Variants in ABTB3 observed in about 807,000 individuals in gnomAD.
ABTB3 encodes ankyrin repeat and BTB domain containing 3, also known as ankyrin repeat- and BTB/POZ domain-containing protein 3.
At chr12:107,381,514 G>A in the ABTB3 span, among the ~76,000 whole-genome samples, 60 of 152,356 alleles carry the variant, frequency 3.9e-4, no homozygotes, top group Non-Finnish European at 7.3e-4. Context: ...GGAGAGCTCC[G>A]GGTAGGAACA....
At chr12:107,321,195 T>C in the ABTB3 span, among the ~76,000 whole-genome samples, 2 of 152,220 alleles carry the variant, frequency 1.3e-5, no homozygotes, top group Non-Finnish European at 2.9e-5. Context: ...AAATGCAGTC[T>C]TTCTGGGCAG....
chr12:107,369,613 G>A, the ABTB3 span, among the ~76,000 whole-genome samples: 4 of 150,988 alleles, frequency 2.6e-5, no homozygotes, highest in East Asian at 7.8e-4. Context: ...TGGTCAGGCT[G>A]GTCTCGAACT....
the ABTB3 span, chr12:107,319,917 C>A: frequency 6.1e-6 from 9 of 1,465,132 alleles, no homozygotes; most frequent in African/African-American, 1.0e-4. Context: ...GCAGTCCCGC[C>A]GGCAGCCGCC....
chr12:107,440,626 G>T, the ABTB3 span, among the ~76,000 whole-genome samples: 1 of 152,078 alleles, frequency 6.6e-6, no homozygotes, highest in African/African-American at 2.4e-5. Context: ...CCCAGACCTG[G>T]AACCGAGCCT....
the ABTB3 span, among the ~76,000 whole-genome samples, chr12:107,405,573 A>G: frequency 6.6e-6 from 1 of 152,248 alleles, no homozygotes; most frequent in African/African-American, 2.4e-5. Flanking sequence ...CTGTCTGCCA[A>G]GCAATGGCAG....
chr12:107,326,159 C>A, the ABTB3 span, among the ~76,000 whole-genome samples: 1 of 152,240 alleles, frequency 6.6e-6, no homozygotes, highest in Non-Finnish European at 1.5e-5. Flanking sequence ...CCCATCTCCG[C>A]CTCCCAAAGT....
At chr12:107,489,804 T>C in the ABTB3 span, among the ~76,000 whole-genome samples, 540 of 152,168 alleles carry the variant, frequency 3.5e-3, 5 homozygotes, top group African/African-American at 0.012. Context: ...GCTCTGTCAG[T>C]CAGGCTGAAG....
At chr12:107,497,334 C>A in the ABTB3 span, among the ~76,000 whole-genome samples, 8 of 151,904 alleles carry the variant, frequency 5.3e-5, no homozygotes, top group Non-Finnish European at 1.2e-4. Flanking sequence ...CCATCACCAT[C>A]CCCACCTCTA....
the ABTB3 span, among the ~76,000 whole-genome samples, chr12:107,616,733 A>T: frequency 6.6e-6 from 1 of 152,154 alleles, no homozygotes; most frequent in Non-Finnish European, 1.5e-5. Flanking sequence ...TGTGCCAAGA[A>T]CCTTTAGCCC....
At chr12:107,344,848 A>G in the ABTB3 span, among the ~76,000 whole-genome samples, 1 of 152,242 alleles carries the variant, frequency 6.6e-6, no homozygotes, top group South Asian at 2.1e-4. Flanking sequence ...GTAGGTTTTA[A>G]TATAGTGCCT....
chr12:107,610,537 T>G, the ABTB3 span: 2 of 624,060 alleles, frequency 3.2e-6, no homozygotes, highest in Non-Finnish European at 5.3e-6. Context: ...ATAAAAATAC[T>G]GTGGTTCATC....
At chr12:107,486,127 G>A in the ABTB3 span, among the ~76,000 whole-genome samples, 2 of 152,196 alleles carry the variant, frequency 1.3e-5, no homozygotes, top group African/African-American at 2.4e-5. Flanking sequence ...AGTGGGAGGT[G>A]TTTGGGTCAT....
chr12:107,414,328 C>A, the ABTB3 span, among the ~76,000 whole-genome samples: 9 of 152,240 alleles, frequency 5.9e-5, no homozygotes, highest in African/African-American at 1.7e-4. Flanking sequence ...GAACGTGATG[C>A]TTTAAAAATA....
At chr12:107,607,030 AG>A in the ABTB3 span, among the ~76,000 whole-genome samples, 1 of 152,184 alleles carries the variant, frequency 6.6e-6, no homozygotes, top group Admixed American at 6.5e-5. Context: ...AGCTGCAGCA[AG>A]GGGTCCCCCC....
At chr12:107,594,164 T>C in the ABTB3 span, among the ~76,000 whole-genome samples, 2 of 152,248 alleles carry the variant, frequency 1.3e-5, no homozygotes, top group Admixed American at 1.3e-4. Flanking sequence ...TAAGCCATGA[T>C]GCTGAAGCAA....
chr12:107,410,045 C>T, the ABTB3 span, among the ~76,000 whole-genome samples: 2 of 152,034 alleles, frequency 1.3e-5, no homozygotes, highest in African/African-American at 4.8e-5. Context: ...AGCCCTGGCC[C>T]AGCTGAGGTT....
At chr12:107,356,854 T>A in the ABTB3 span, among the ~76,000 whole-genome samples, 1 of 152,224 alleles carries the variant, frequency 6.6e-6, no homozygotes, top group Non-Finnish European at 1.5e-5. Flanking sequence ...ACTGAGAACC[T>A]ACTACATGCC....
the ABTB3 span, chr12:107,520,144 T>G: frequency 2.4e-6 from 2 of 844,962 alleles, no homozygotes; most frequent in Non-Finnish European, 2.8e-6. Flanking sequence ...ACAAAGGGAG[T>G]GACCTGACCA....
At chr12:107,435,793 G>A in the ABTB3 span, among the ~76,000 whole-genome samples, 1 of 152,116 alleles carries the variant, frequency 6.6e-6, no homozygotes, top group Admixed American at 6.6e-5. Context: ...AATTCCTGAA[G>A]TGGAATTACA....
Sources: allele counts gnomAD v4.1 joint callset (sites outside exome capture counted in the v4.1 genomes callset), GRCh38; gene constraint gnomAD v4.1.1; transcripts MANE v1.5; gene names NCBI Gene and HGNC (gene_info 2026-07-23, HGNC 2026-07-21).